TEK: variants seen among roughly 807,000 people sequenced by gnomAD.
TEK encodes the protein angiopoietin-1 receptor.
Under a neutral mutation model 131.8 loss-of-function variants are expected in TEK, and 43 were observed. That is an observed-to-expected ratio of 0.33 (90% CI 0.26 to 0.42). The LOEUF (loss-of-function observed/expected upper bound fraction) is 0.42. Ranked by LOEUF, TEK falls within the 10% of genes least tolerant of loss-of-function variation. The pLI is 1.00. For missense variants in TEK, 1,162 were observed against 1,384.4 expected (o/e 0.84, Z 2.55); for synonymous variants, 580 against 491.6 (o/e 1.18, Z -2.38).
intron 16 of TEK, 62 bp downstream of exon 16, chr9:27,209,293 G>A: frequency 8.7e-7 from 1 of 1,148,814 alleles, no homozygotes; most frequent in Non-Finnish European, 1.3e-6. Flanking sequence ...AATTCCATAT[G>A]GATATAAGGA....
At chr9:27,221,027 C>T (rs899310594) in intron 21 of TEK, among the ~76,000 whole-genome samples, 6 of 152,316 alleles carry the variant, frequency 3.9e-5, no homozygotes, top group East Asian at 1.9e-4. Flanking sequence ...TTGAAATTCT[C>T]GCTGCAAGCA....
At chr9:27,223,227 G>T (rs1826165032) in intron 21 of TEK, among the ~76,000 whole-genome samples, 1 of 151,990 alleles carries the variant, frequency 6.6e-6, no homozygotes, top group African/African-American at 2.4e-5. Flanking sequence ...CGAGACAGAA[G>T]ATTAACAAGG....
intron 1 of TEK, among the ~76,000 whole-genome samples, chr9:27,122,465 C>T (rs1208135698): frequency 1.3e-5 from 2 of 151,996 alleles, no homozygotes; most frequent in Non-Finnish European, 2.9e-5. Flanking sequence ...GTGGTTTTTG[C>T]GGCTACACAA....
At chr9:27,190,020 A>G (rs1487280377) in intron 9 of TEK, among the ~76,000 whole-genome samples, 1 of 152,236 alleles carries the variant, frequency 6.6e-6, no homozygotes, top group Non-Finnish European at 1.5e-5. Context: ...AGTTTCTATG[A>G]TAGCCACCTG....
intron 1 of TEK, among the ~76,000 whole-genome samples, chr9:27,112,779 A>G (rs1270775851): frequency 6.6e-6 from 1 of 152,150 alleles, no homozygotes; most frequent in African/African-American, 2.4e-5. Flanking sequence ...AGGGTGGAAA[A>G]CCAAAACAAA....
At chr9:27,152,597 CG>C (rs200162730) in intron 1 of TEK, among the ~76,000 whole-genome samples, 3 of 136,688 alleles carry the variant, frequency 2.2e-5, no homozygotes, top group East Asian at 2.2e-4. Context: ...GAAGCCCCCC[CG>C]CCGCAAAAAA....
At chr9:27,120,862 A>G (rs1821757426) in intron 1 of TEK, among the ~76,000 whole-genome samples, 1 of 152,240 alleles carries the variant, frequency 6.6e-6, no homozygotes, top group Non-Finnish European at 1.5e-5. Context: ...AAGAGGTTTC[A>G]GATACAGGCA....
At chr9:27,217,532 GT>G (rs540389034) in intron 18 of TEK, among the ~76,000 whole-genome samples, 155 bp from the exon 19 acceptor site, 445 of 151,898 alleles carry the variant, frequency 2.9e-3, no homozygotes, top group Non-Finnish European at 4.7e-3. Context: ...TTGTTTGCAT[GT>G]TTTGAAATTT....
intron 2 of TEK, among the ~76,000 whole-genome samples, chr9:27,158,834 T>C (rs1823439321): frequency 1.3e-5 from 2 of 152,108 alleles, no homozygotes; most frequent in African/African-American, 2.4e-5. Context: ...TAATTTTTTA[T>C]ATTTTTAGTA....
intron 1 of TEK, among the ~76,000 whole-genome samples, chr9:27,125,053 C>A (rs1287155656): frequency 2.0e-5 from 3 of 152,224 alleles, no homozygotes; most frequent in Non-Finnish European, 4.4e-5. Flanking sequence ...CAAGACCCAA[C>A]CAGCATGGGC....
chr9:27,192,638 A>G lies in TEK; in HGVS notation c.1624+15A>G. 5 of 1,529,240 alleles carry G rather than the reference A, an allele frequency of 3.3e-6. No homozygotes were observed. Among genetic ancestry groups the G allele is most frequent in the Non-Finnish European group, 4.4e-6 (5 of 1,127,292 alleles). The allele number at this position is 1,529,240 out of a possible 1,614,324, so 94.7% of individuals were successfully genotyped here. On this transcript the variant is annotated intron_variant, in intron 11 of 22. Coordinates refer to ENST00000380036, the MANE Select transcript of TEK (RefSeq NM_000459.5). ...AGCTTCTATCGGTCAGTGGAAGCCA[A>G]CAGGCATTTATTCATGAGCTGGGTG...
chr9:27,184,915 C>T (rs1245488019), intron 8 of TEK, among the ~76,000 whole-genome samples: 1 of 151,996 alleles, frequency 6.6e-6, no homozygotes, highest in East Asian at 1.9e-4. Context: ...TGGCATATAC[C>T]TGTAGTCCCA....
intron 2 of TEK, 21 bp downstream of exon 2, chr9:27,158,163 G>T: frequency 1.2e-6 from 2 of 1,613,780 alleles, no homozygotes; most frequent in South Asian, 2.2e-5. Flanking sequence ...CCTAAGTTTT[G>T]GGCAGGTGAG....
chr9:27,158,083 G>A lies in TEK; in HGVS notation c.305G>A (p.Cys102Tyr). 6.2e-7 allele frequency: 1 copy of A among 1,614,150 alleles called. No homozygotes were observed. Among genetic ancestry groups the A allele is most frequent in the Non-Finnish European group, 8.5e-7 (1 of 1,180,018 alleles). Reference protein sequence around the residue: ...KASKINGAYFCEGRVRGEAIR... With the variant: ...KASKINGAYFYEGRVRGEAIR... Reference sequence around the variant, plus strand: ...AGTAAGATCAATGGTGCTTATTTCTGTGAAGGGCGAGTTCGAGGAGAGGCA... The same window carrying A: ...AGTAAGATCAATGGTGCTTATTTCTATGAAGGGCGAGTTCGAGGAGAGGCA... The change falls in exon 2 of 23, where the codon TGT becomes TAT. Residue 102 changes from cysteine to tyrosine, a missense_variant. This residue lies in a region of TEK where 436 missense variants were observed against 539.1 expected (regional missense o/e 0.81). Coordinates refer to ENST00000380036, the MANE Select transcript of TEK (RefSeq NM_000459.5).
rs1825205845 is a variant in TEK, at chr9:27,201,343, AG to A, written c.1910-1475del. ...AAAAGACACTGCTGCTTTTTGTGAC[AG>A]GCTTAGAAGACCACTGGTTTATGAA... is the stretch of plus-strand genomic sequence containing the variant. On this transcript the variant is annotated intron_variant, in intron 12 of 22. Coordinates refer to ENST00000380036, the MANE Select transcript of TEK (RefSeq NM_000459.5). 2.6e-5 allele frequency among the ~76,000 whole-genome samples: 4 copies of A among 152,188 alleles called. No homozygotes were observed. In the South Asian group the frequency reaches 8.3e-4, roughly 32 times the overall value.
chr9:27,184,195 G>A (rs922574476), intron 8 of TEK, among the ~76,000 whole-genome samples: 1 of 152,076 alleles, frequency 6.6e-6, no homozygotes. Flanking sequence ...TCTTCCCTTT[G>A]CCTTCATTGC....
At chr9:27,111,295 G>A (rs7390806) in intron 1 of TEK, among the ~76,000 whole-genome samples, 141,343 of 152,182 alleles carry the variant, frequency 0.93, 66,492 homozygotes, top group East Asian at 1. Context: ...TTCTGAGGTA[G>A]GTCTGTTGTC....
intron 21 of TEK, among the ~76,000 whole-genome samples, chr9:27,226,076 A>T (rs1826314904): frequency 6.6e-6 from 1 of 152,222 alleles, no homozygotes; most frequent in Admixed American, 6.5e-5. Flanking sequence ...AAAAGTCAGG[A>T]AATGACAGAT....
chr9:27,158,168 G>C, intron 2 of TEK, 26 bp downstream of exon 2: 1 of 1,613,380 alleles, frequency 6.2e-7, no homozygotes. Flanking sequence ...GTTTTGGGCA[G>C]GTGAGGCCCA....
Sources: allele counts gnomAD v4.1 joint callset (sites outside exome capture counted in the v4.1 genomes callset), GRCh38; gene constraint gnomAD v4.1.1; regional missense constraint gnomAD v4.1.1; transcripts MANE v1.5; gene names NCBI Gene and HGNC (gene_info 2026-07-23, HGNC 2026-07-21).